The following ADAM22 variants were observed in gnomAD, a reference collection of about 807,000 sequenced individuals.
ADAM22 encodes disintegrin and metalloproteinase domain-containing protein 22.
ADAM22 carries 65 observed loss-of-function variants against 144.6 expected under a neutral mutation model. That is an observed-to-expected ratio of 0.45 (90% CI 0.37 to 0.55). The LOEUF is 0.55. Among genes scored for constraint, ADAM22 ranks in the 20% least tolerant of loss-of-function variants. The pLI is 0.00. For synonymous variants in ADAM22, 391 were observed against 412.6 expected (o/e 0.95, Z 0.63); for missense variants, 974 against 1,184.9 (o/e 0.82, Z 2.61).
chr7:87,988,766 G>A (rs544621292), intron 3 of ADAM22, among the ~76,000 whole-genome samples: 3 of 152,224 alleles, frequency 2.0e-5, no homozygotes, highest in African/African-American at 7.2e-5. Flanking sequence ...GTGCTTTTTA[G>A]CAATGATAGA....
At chr7:88,163,206 T>TCA in intron 23 of ADAM22, 26 bp downstream of exon 23, 1 of 1,539,872 alleles carries the variant, frequency 6.5e-7, no homozygotes, top group Non-Finnish European at 8.7e-7. Context: ...CTTGTCAGAA[T>TCA]CTATTTCTTT....
rs144375029 is a variant in ADAM22 at position 88,018,164 on chromosome 7, T to C, written c.323+39752T>C. On this transcript the variant is annotated intron_variant, in intron 3 of 31. Transcript: ENST00000413139. ...GTATCCTGTTTGTGGGCTAATTCAT[T>C]TGTAGATTATCTAAACAATATTGAT... is the stretch of plus-strand genomic sequence containing the variant. 1.2e-3 allele frequency among the ~76,000 whole-genome samples: 187 copies of C among 152,288 alleles called. 3 individuals carry two copies. Among genetic ancestry groups the C allele is most frequent in the African/African-American group, 4.4e-3 (181 of 41,552 alleles).
chr7:88,170,489 C>T (rs571475038), intron 25 of ADAM22, among the ~76,000 whole-genome samples: 1 of 151,754 alleles, frequency 6.6e-6, no homozygotes, highest in Non-Finnish European at 1.5e-5. Flanking sequence ...TCATTTGGAA[C>T]CGTATGGCTC....
intron 2 of ADAM22, among the ~76,000 whole-genome samples, chr7:87,952,784 T>G (rs1462356630): frequency 1.3e-5 from 2 of 152,158 alleles, no homozygotes; most frequent in African/African-American, 4.8e-5. Flanking sequence ...GATTCTTTTT[T>G]ATTGGTAAGC....
At chr7:88,174,355 C>T (rs1405181633) in intron 26 of ADAM22, among the ~76,000 whole-genome samples, 1 of 152,082 alleles carries the variant, frequency 6.6e-6, no homozygotes, top group Non-Finnish European at 1.5e-5. Context: ...CACATATGTG[C>T]AGCATCACTT....
chr7:87,961,407 T>C (rs1338911309), intron 2 of ADAM22, among the ~76,000 whole-genome samples: 2 of 152,204 alleles, frequency 1.3e-5, no homozygotes, highest in Non-Finnish European at 2.9e-5. Context: ...GGTCTCACAG[T>C]ATTGGATTAT....
At chr7:88,066,325 T>C (rs2129477772) in intron 3 of ADAM22, among the ~76,000 whole-genome samples, 1 of 152,214 alleles carries the variant, frequency 6.6e-6, no homozygotes, top group African/African-American at 2.4e-5. Flanking sequence ...GTTCCATATA[T>C]GATTTGTAAG....
At chr7:88,140,582 C>A (rs1382326326) in intron 14 of ADAM22, among the ~76,000 whole-genome samples, 2 of 152,128 alleles carry the variant, frequency 1.3e-5, no homozygotes, top group Admixed American at 6.5e-5. Context: ...TTTGGCTGGC[C>A]CAGTGGCTCA....
At chr7:88,024,002 G>A (rs1048417870) in intron 3 of ADAM22, among the ~76,000 whole-genome samples, 5 of 152,070 alleles carry the variant, frequency 3.3e-5, no homozygotes, top group African/African-American at 7.2e-5. Flanking sequence ...TTTCATCCAC[G>A]TTATTGCAAA....
At chr7:88,171,607 C>CAT in intron 26 of ADAM22, 46 bp downstream of exon 26, 1 of 1,503,296 alleles carries the variant, frequency 6.7e-7, no homozygotes, top group Non-Finnish European at 9.0e-7. Context: ...AGGTTTGACT[C>CAT]ATATTAGCAT....
rs2115597718 is a variant in ADAM22, at chr7:88,200,779, T to A, written c.*4288T>A. ...GGGCTCAAATGTTTTGTTTTCCTCCTGAGATGTTTTTGAATGGATAAGACT... is the reference window on the plus strand; with the variant it reads ...GGGCTCAAATGTTTTGTTTTCCTCCAGAGATGTTTTTGAATGGATAAGACT... On this transcript the variant is annotated 3_prime_UTR_variant, in exon 32 of 32. Transcript: ENST00000413139. 1 of 152,346 alleles carries A rather than the reference T, an allele frequency of 6.6e-6. No homozygotes were observed. Among genetic ancestry groups the A allele is most frequent in the East Asian group, 1.9e-4 (1 of 5,190 alleles). 9.4% of individuals were successfully genotyped at this position (152,346 alleles called of 1,614,324 possible). A position where few individuals can be genotyped will look rare whatever the true frequency, so the allele number is the denominator to read the frequency against.
At chr7:88,193,055 C>T (rs1199089614) in intron 30 of ADAM22, 61 bp from the exon 31 acceptor site, 24 of 1,604,636 alleles carry the variant, frequency 1.5e-5, no homozygotes, top group Non-Finnish European at 1.4e-5. Context: ...ACACACTTTT[C>T]AGATATTTGA....
At chr7:88,026,928 G>A (rs558147266) in intron 3 of ADAM22, among the ~76,000 whole-genome samples, 1 of 152,138 alleles carries the variant, frequency 6.6e-6, no homozygotes, top group South Asian at 2.1e-4. Flanking sequence ...AGGGCTTTTT[G>A]TCATGAAAGG....
chr7:88,045,243 C>G (rs370288080), intron 3 of ADAM22, among the ~76,000 whole-genome samples: 5 of 152,272 alleles, frequency 3.3e-5, no homozygotes, highest in African/African-American at 1.2e-4. Flanking sequence ...GTCTCAAACT[C>G]CTGACTTCAG....
chr7:87,977,690 CT>C (rs2129448648), intron 2 of ADAM22, among the ~76,000 whole-genome samples: 1 of 152,030 alleles, frequency 6.6e-6, no homozygotes, highest in South Asian at 2.1e-4. Context: ...TTTAGAGTCC[CT>C]TGTGGTTTTC....
At chr7:87,958,337 A>T (rs1405358451) in intron 2 of ADAM22, among the ~76,000 whole-genome samples, 2 of 151,664 alleles carry the variant, frequency 1.3e-5, no homozygotes, top group East Asian at 3.9e-4. Context: ...TCTCCTTTTC[A>T]TCATTATCTG....
At chr7:88,053,660 A>G (rs867766679) in intron 3 of ADAM22, among the ~76,000 whole-genome samples, 3 of 151,850 alleles carry the variant, frequency 2.0e-5, no homozygotes, top group South Asian at 4.2e-4. Flanking sequence ...AACCAAGTAA[A>G]AAAGATATCT....
chr7:87,986,549 C>G (rs180911498), intron 3 of ADAM22, among the ~76,000 whole-genome samples: 3 of 152,284 alleles, frequency 2.0e-5, no homozygotes, highest in Admixed American at 2.0e-4. Context: ...TAGAGACTTA[C>G]AGGATTCAAA....
intron 3 of ADAM22, among the ~76,000 whole-genome samples, chr7:87,982,066 TATACACACACACACAC>T (rs1193502511): frequency 2.2e-4 from 19 of 86,466 alleles, no homozygotes; most frequent in African/African-American, 8.7e-4. Flanking sequence ...TATATATATA[TATACACACACACACAC>T]ACACACACAC....
Sources: allele counts gnomAD v4.1 joint callset (sites outside exome capture counted in the v4.1 genomes callset), GRCh38; gene constraint gnomAD v4.1.1; transcripts MANE v1.5; gene names NCBI Gene and HGNC (gene_info 2026-07-23, HGNC 2026-07-21).